Variants in CDC42EP1 observed in about 807,000 individuals in gnomAD.
The protein encoded by CDC42EP1 is CDC42 effector protein 1.
Under a neutral mutation model 7.4 loss-of-function variants are expected in CDC42EP1, and 6 were observed. That is an observed-to-expected ratio of 0.81 (90% CI 0.44 to 1.60). CDC42EP1 has a LOEUF of 1.60. CDC42EP1 is among the 40% of genes most tolerant of loss of function. The pLI is 0.01. For missense variants in CDC42EP1, 567 were observed against 539.0 expected (o/e 1.05, Z -0.51); for synonymous variants, 238 against 227.1 (o/e 1.05, Z -0.43).
rs1261020220 is a variant in CDC42EP1 at position 37,568,735 on chromosome 22, G to A, written c.1091G>A (p.Gly364Asp). ...LDEEWRAPQA[G>D]SRTPVPSTVQ... is the part of the protein sequence containing the mutation. ...GAAGAGTGGAGGGCGCCCCAGGCAG[G>A]CAGCAGGACCCCAGTGCCCAGCACA... Residue 364 changes from glycine to aspartate, a missense_variant, in exon 3 of 3, where the codon GGC becomes GAC. By Grantham distance (94) the Gly-to-Asp change is moderately conservative (BLOSUM62 -1). Transcript: ENST00000249014. The A allele has an allele frequency of 6.6e-7, 1 of 1,523,866 alleles. No homozygotes were observed. Among genetic ancestry groups the A allele is most frequent in the South Asian group, 1.3e-5 (1 of 76,476 alleles). The allele number at this position is 1,523,866 out of a possible 1,614,324, so 94.4% of individuals were successfully genotyped here.
chr22:37,566,760 G>C lies in CDC42EP1; in HGVS notation c.411G>C (p.Lys137Asn). 6.3e-7 allele frequency: 1 copy of C among 1,596,872 alleles called. No individual in the cohort carries two copies. The highest frequency in any genetic ancestry group is 8.5e-7 in the Non-Finnish European group (1 of 1,171,652). The change falls in exon 2 of 3, where the codon AAG becomes AAC. Residue 137 changes from lysine (K) to asparagine (N), a missense_variant. Lys to Asn is a moderately conservative substitution (Grantham distance 94, BLOSUM62 0). Coordinates refer to ENST00000249014, the MANE Select transcript of CDC42EP1 (RefSeq NM_152243.3). This position sits in a 1 kb window ranked among gnomAD's most constrained non-coding sequence, Gnocchi z 6.4. ...QAAYDSLVVG[K>N]LSFDSSPTSS... ...CCTACGACAGCCTCGTGGTTGGCAA[G>C]CTCAGCTTCGACAGCAGCCCCACCA...
chr22:37,568,142 G>A lies in CDC42EP1; in HGVS notation c.498G>A (p.Leu166=). The A allele has an allele frequency of 6.2e-7, 1 of 1,613,838 alleles. No homozygotes were observed. The part of the protein sequence containing the change: ...LDSGFCTISR[L]PRSEKPHDRD... ...CTGGGTTCTGCACCATCTCCCGCCTGCCCCGCTCGGAAAAGCCGCATGACC... is the reference window on the plus strand; with the variant it reads ...CTGGGTTCTGCACCATCTCCCGCCTACCCCGCTCGGAAAAGCCGCATGACC... The change falls in exon 3 of 3, where the codon CTG becomes CTA. Residue 166 remains leucine (L), a synonymous_variant. Transcript: ENST00000249014.
chr22:37,567,475 G>A (rs976673192), intron 2 of CDC42EP1, among the ~76,000 whole-genome samples: 2 of 152,094 alleles, frequency 1.3e-5, no homozygotes, highest in African/African-American at 4.8e-5. Flanking sequence ...GAGAACCATG[G>A]GCCCCTGCTG....
At chr22:37,561,470 T>C (rs1925038540) in intron 1 of CDC42EP1, among the ~76,000 whole-genome samples, 1 of 152,160 alleles carries the variant, frequency 6.6e-6, no homozygotes, top group Non-Finnish European at 1.5e-5. Context: ...CGTCGCTCCC[T>C]AATGGCCCAC....
chr22:37,560,692 C>G (rs1037731730), intron 1 of CDC42EP1, 104 bp downstream of exon 1: 5 of 151,280 alleles, frequency 3.3e-5, no homozygotes, highest in African/African-American at 1.2e-4. Flanking sequence ...GGGGCCGGAA[C>G]GGGGACGGGA....
Position 37,568,566 on chromosome 22 carries a change from G to T in CDC42EP1, c.922G>T (p.Gly308Cys). ...GGTGAAGTCCAGCCCAGTGGGAGGGGGTCCCCGAGGACCTGCTGGCCCTGC... is the reference window on the plus strand; with the variant it reads ...GGTGAAGTCCAGCCCAGTGGGAGGGTGTCCCCGAGGACCTGCTGGCCCTGC... Reference protein sequence around the residue: ...AEVKSSPVGGGPRGPAGPALG... With the variant: ...AEVKSSPVGGCPRGPAGPALG... The change falls in exon 3 of 3, where the codon GGT becomes TGT. Residue 308 changes from glycine to cysteine, a missense_variant. Transcript: ENST00000249014. 2 of 1,605,508 alleles carry T rather than the reference G, an allele frequency of 1.2e-6. No individual in the cohort carries two copies. Among genetic ancestry groups the T allele is most frequent in the Non-Finnish European group, 8.5e-7 (1 of 1,176,262 alleles).
intron 1 of CDC42EP1, among the ~76,000 whole-genome samples, chr22:37,562,857 C>T (rs1462737643): frequency 2.0e-5 from 3 of 152,094 alleles, no homozygotes; most frequent in African/African-American, 4.8e-5. Flanking sequence ...CTTGTAATCC[C>T]AGCACTTTGG....
rs748248737 is a variant in CDC42EP1 at position 37,566,551 on chromosome 22, G to A, written c.202G>A (p.Gly68Ser). 16 of 1,608,356 alleles carry A rather than the reference G, an allele frequency of 9.9e-6. No individual in the cohort carries two copies. The highest frequency in any genetic ancestry group is 1.6e-4 in the Middle Eastern group (1 of 6,066). ...GGACACGTCCTTCCTCAGCAACCAC[G>A]GTGGCAGCTCCGGGAGCACCCATCG... ...FGDTSFLSNH[G>S]GSSGSTHRSP... The change falls in exon 2 of 3, where the codon GGT becomes AGT. Residue 68 changes from glycine (G) to serine (S), a missense_variant. Transcript: ENST00000249014. The surrounding 1 kb of genome is among the most constrained non-coding windows in gnomAD (Gnocchi z 6.4).
chr22:37,563,226 C>G (rs1326051697), intron 1 of CDC42EP1, among the ~76,000 whole-genome samples: 1 of 152,226 alleles, frequency 6.6e-6, no homozygotes, highest in Admixed American at 6.5e-5. Context: ...CATTCCTTCC[C>G]CCAGAGATGC....
chr22:37,564,743 C>T (rs1251340011), intron 1 of CDC42EP1, among the ~76,000 whole-genome samples: 1 of 138,568 alleles, frequency 7.2e-6, no homozygotes, highest in African/African-American at 3.2e-5. Context: ...AGTTTCCCCT[C>T]TCTAATCTCA....
rs1157614005 is a variant in CDC42EP1, at chr22:37,566,194, C to A, written c.-156C>A. On this transcript the variant is annotated 5_prime_UTR_variant, in exon 2 of 3. Coordinates refer to ENST00000249014, the MANE Select transcript of CDC42EP1 (RefSeq NM_152243.3). This position sits in a 1 kb window ranked among gnomAD's most constrained non-coding sequence, Gnocchi z 6.4. ...CCCTGGGAGAGACGAGCCATGAACCCCCCACAGCCTCTGCATTTGGGGACC... is the reference window on the plus strand; with the variant it reads ...CCCTGGGAGAGACGAGCCATGAACCACCCACAGCCTCTGCATTTGGGGACC... 1.4e-5 allele frequency: 7 copies of A among 513,860 alleles called. No individual in the cohort carries two copies. The highest frequency in any genetic ancestry group is 2.4e-5 in the Non-Finnish European group (7 of 293,040). The allele number at this position is 513,860 out of a possible 1,614,324, so 31.8% of individuals were successfully genotyped here.
At chr22:37,561,599 G>A (rs1410747452) in intron 1 of CDC42EP1, among the ~76,000 whole-genome samples, 3 of 152,244 alleles carry the variant, frequency 2.0e-5, no homozygotes, top group South Asian at 2.1e-4. Flanking sequence ...ACTTTGAGGA[G>A]CAGGAGAAGT....
At chr22:37,561,167 C>CA (rs1327354158) in intron 1 of CDC42EP1, among the ~76,000 whole-genome samples, 1 of 152,238 alleles carries the variant, frequency 6.6e-6, no homozygotes, top group Non-Finnish European at 1.5e-5. Context: ...CCCGTCCCCC[C>CA]AGGGAATGTT....
In CDC42EP1 at chr22:37,566,197, C is replaced by CT. The variant is rs1411855742; in HGVS notation, c.-153_-152insT. 1.9e-6 allele frequency: 1 copy of CT among 522,134 alleles called. No homozygotes were observed. Among genetic ancestry groups the CT allele is most frequent in the South Asian group, 2.8e-5 (1 of 35,200 alleles). The allele number at this position is 522,134 out of a possible 1,614,324, so 32.3% of individuals were successfully genotyped here. On this transcript the variant is annotated 5_prime_UTR_variant, in exon 2 of 3. An upstream open reading frame in the 5' UTR loses its in-frame stop. Coordinates refer to ENST00000249014, the MANE Select transcript of CDC42EP1 (RefSeq NM_152243.3). The surrounding 1 kb of genome is among the most constrained non-coding windows in gnomAD (Gnocchi z 6.4). ...TGGGAGAGACGAGCCATGAACCCCC[C>CT]ACAGCCTCTGCATTTGGGGACCTCA...
intron 1 of CDC42EP1, among the ~76,000 whole-genome samples, chr22:37,563,210 C>T (rs1437365920): frequency 4.6e-5 from 7 of 152,184 alleles, no homozygotes; most frequent in African/African-American, 7.2e-5. Context: ...ACACCCTTCC[C>T]GCTCCCATTC....
rs768284217 is a variant in CDC42EP1, at chr22:37,566,342, C to G, written c.-8C>G. The G allele has an allele frequency of 2.7e-6, 4 of 1,473,022 alleles. No individual in the cohort carries two copies. Among genetic ancestry groups the G allele is most frequent in the Non-Finnish European group, 3.6e-6 (4 of 1,107,126 alleles). The allele number at this position is 1,473,022 out of a possible 1,614,324, so 91.2% of individuals were successfully genotyped here. On this transcript the variant is annotated 5_prime_UTR_variant, in exon 2 of 3. Coordinates refer to ENST00000249014, the MANE Select transcript of CDC42EP1 (RefSeq NM_152243.3). The surrounding 1 kb of genome is among the most constrained non-coding windows in gnomAD (Gnocchi z 6.4). ...GCATGGACTAGCAGCTGTGAGCAGC[C>G]AGAGCTGATGCCCGGCCCCCAGGGG...
Position 37,566,450 on chromosome 22 carries a change from C to G in CDC42EP1, c.101C>G (p.Thr34Ser). ...AGTTCACAGGGAAAGAGGCGGCTGA[C>G]TGCAGACATGATCAGCCACCCACTC... ...VSSSQGKRRLTADMISHPLGD... is the reference protein window; with the variant it reads ...VSSSQGKRRLSADMISHPLGD... The change falls in exon 2 of 3, where the codon ACT becomes AGT. Residue 34 changes from threonine (T) to serine (S), a missense_variant. Thr to Ser is a moderately conservative substitution (Grantham distance 58). Transcript: ENST00000249014. This position sits in a 1 kb window ranked among gnomAD's most constrained non-coding sequence, Gnocchi z 6.4. 4 of 1,612,534 alleles carry G rather than the reference C, an allele frequency of 2.5e-6. No individual in the cohort carries two copies. In the South Asian group the frequency reaches 4.4e-5, roughly 18 times the overall value.
chr22:37,569,016 C>T lies in CDC42EP1; in HGVS notation c.*196C>T. The T allele has an allele frequency of 2.4e-6, 1 of 408,482 alleles. No homozygotes were observed. The highest frequency in any genetic ancestry group is 4.3e-5 in the Admixed American group (1 of 23,292). 25.3% of individuals were successfully genotyped at this position (408,482 alleles called of 1,614,324 possible). On this transcript the variant is annotated 3_prime_UTR_variant, in exon 3 of 3. Coordinates refer to ENST00000249014, the MANE Select transcript of CDC42EP1 (RefSeq NM_152243.3). The stretch of plus-strand genomic sequence containing the variant: ...GACTTTTATGCTCCCAGAGGCCCTG[C>T]CAAACTGACCACCTCCCCCGACTGC...
rs1220693095 is a variant in CDC42EP1, at chr22:37,568,295, A to G, written c.651A>G (p.Pro217=). Residue 217 remains proline, a synonymous_variant, in exon 3 of 3, where the codon CCA becomes CCG. Transcript: ENST00000249014. ...LSELLGVMSL[P]EAPAAETPAP... ...AGCTGCTAGGGGTCATGAGCCTCCC[A>G]GAAGCCCCTGCAGCTGAGACTCCAG... 1 of 1,613,030 alleles carries G rather than the reference A, an allele frequency of 6.2e-7. No homozygotes were observed. Among genetic ancestry groups the G allele is most frequent in the Admixed American group, 1.7e-5 (1 of 60,000 alleles).
Sources: gnomAD v4.1 joint callset for allele counts (sites outside exome capture counted in the v4.1 genomes callset) on GRCh38, gnomAD v4.1.1 for gene constraint, Gnocchi (gnomAD v3.1) non-coding constraint, MANE v1.5 for transcripts, NCBI Gene and HGNC (gene_info 2026-07-23, HGNC 2026-07-21) for gene names.